The following HRNR variants were observed in gnomAD, a reference collection of about 807,000 sequenced individuals.
HRNR encodes the protein hornerin.
Under a neutral mutation model 4.8 loss-of-function variants are expected in HRNR, and 7 were observed. The observed-to-expected ratio is 1.47, with a 90% CI of 0.83 to 2.75. The LOEUF (loss-of-function observed/expected upper bound fraction) is 2.75, where lower values mean the gene tolerates loss of function less well. HRNR is among the 30% of genes most tolerant of loss of function. The probability of loss-of-function intolerance (pLI) is 0.00; values close to 1 mark genes in which losing one functional copy is unlikely to be tolerated. For synonymous variants in HRNR, 1,023 were observed against 1,242.7 expected (o/e 0.82, Z 3.72); for missense variants, 2,879 against 3,010.4 (o/e 0.96, Z 1.02).
rs546139413 is a variant in HRNR at position 152,212,329 on chromosome 1, A to G, written c.*747T>C. On this transcript the variant is annotated 3_prime_UTR_variant, in exon 3 of 3. Transcript: ENST00000368801. ...CCCAATATTGAGCAGCCTCTTAGAA[A>G]TAGGGAGCAAGATCTTTCTGCTGAA... 1 of 152,174 alleles carries G rather than the reference A, an allele frequency of 6.6e-6. No individual in the cohort carries two copies. Among genetic ancestry groups the G allele is most frequent in the Non-Finnish European group, 1.5e-5 (1 of 68,052 alleles). The allele number at this position is 152,174 out of a possible 1,614,324, so 9.4% of individuals were successfully genotyped here. A position where few individuals can be genotyped will look rare whatever the true frequency, so the allele number is the denominator to read the frequency against.
rs150707451 is a variant in HRNR, at chr1:152,220,674, A to T, written c.955T>A (p.Ser319Thr). ...HVRHGSGSGHSSSHGQHGSGS... is the reference protein window; with the variant it reads ...HVRHGSGSGHTSSHGQHGSGS... ...GACCCGTGTTGGCCGTGGCTGGAGGAGTGCCCCGAACCGGACCCATGTCGG... is the reference window on the plus strand; with the variant it reads ...GACCCGTGTTGGCCGTGGCTGGAGGTGTGCCCCGAACCGGACCCATGTCGG... Residue 319 changes from serine to threonine, a missense_variant, in exon 3 of 3, where the codon TCC (serine) becomes ACC (threonine). By Grantham distance (58) the Ser-to-Thr change is moderately conservative. Around this residue, in one of 8 missense-constraint regions of HRNR, gnomAD observed 2,646 missense variants for 1,377.7 expected, o/e 1.92. Transcript: ENST00000368801. 351 of 1,612,240 alleles carry T rather than the reference A, an allele frequency of 2.2e-4. No individual in the cohort carries two copies. Among genetic ancestry groups the T allele is most frequent in the Admixed American group, 5.0e-4 (30 of 59,940 alleles).
rs146700194 is a variant in HRNR, at chr1:152,219,591, A to G, written c.2038T>C (p.Ser680Pro). ...GHSSSYGQHGSGSGWSSSNGP... is the reference protein window; with the variant it reads ...GHSSSYGQHGPGSGWSSSNGP... ...TTGCTTGAAGACCAACCGGAGCCAG[A>G]CCCATGTTGGCCGTAGCTGGAAGAG... The change falls in exon 3 of 3, where the codon TCT (serine) becomes CCT (proline). Residue 680 changes from serine (S) to proline (P), a missense_variant. Ser to Pro is a moderately conservative substitution (Grantham distance 74). Transcript: ENST00000368801. The G allele has an allele frequency of 2.7e-4, 435 of 1,612,052 alleles. No individual in the cohort carries two copies. The highest frequency in any genetic ancestry group is 3.5e-4 in the Non-Finnish European group (409 of 1,179,088).
chr1:152,219,091 A>C lies in HRNR; in HGVS notation c.2538T>G (p.Ser846=). 1 of 1,613,702 alleles carries C rather than the reference A, an allele frequency of 6.2e-7. No homozygotes were observed. The highest frequency in any genetic ancestry group is 8.5e-7 in the Non-Finnish European group (1 of 1,179,972). Residue 846 remains serine, a synonymous_variant, in exon 3 of 3, where the codon TCT becomes TCG. Coordinates refer to ENST00000368801, the MANE Select transcript of HRNR (RefSeq NM_001009931.3). ...GHFSSQGRHG[S]TSGQSSSSGQ... is the part of the protein sequence containing the mutation. The stretch of plus-strand genomic sequence containing the variant: ...CGGAGCTTGATGACTGCCCTGACGT[A>C]GATCCATGTCGTCCCTGGCTAGAGA...
chr1:152,218,598 G>C lies in HRNR; in HGVS notation c.3031C>G (p.Arg1011Gly). The C allele has an allele frequency of 6.2e-7, 1 of 1,611,198 alleles. No homozygotes were observed. Among genetic ancestry groups the C allele is most frequent in the South Asian group, 1.1e-5 (1 of 90,924 alleles). The change falls in exon 3 of 3, where the codon CGT becomes GGT. Residue 1011 changes from arginine (R) to glycine (G), a missense_variant. By Grantham distance (125) the Arg-to-Gly change is moderately radical. Coordinates refer to ENST00000368801, the MANE Select transcript of HRNR (RefSeq NM_001009931.3). Reference protein sequence around the residue: ...SGSGQSPSPSRGRHGSGSGQS... With the variant: ...SGSGQSPSPSGGRHGSGSGQS... ...CCGGAACCAGACCCATGTCGGCCAC[G>C]GCTAGGGCTAGGAGACTGGCCAGAT...
Position 152,213,048 on chromosome 1 carries a change from T to A in HRNR, c.*28A>T, listed in dbSNP as rs1323947541. On this transcript the variant is annotated 3_prime_UTR_variant, in exon 3 of 3. Coordinates refer to ENST00000368801, the MANE Select transcript of HRNR (RefSeq NM_001009931.3). Reference sequence around the variant, plus strand: ...ACTTTCCTATTTCTTAAATTGCTACTTGAGTAAATTGCATTTATGTTTATT... The same window carrying A: ...ACTTTCCTATTTCTTAAATTGCTACATGAGTAAATTGCATTTATGTTTATT... The A allele has an allele frequency of 1.9e-6, 3 of 1,586,520 alleles. No homozygotes were observed. The highest frequency in any genetic ancestry group is 1.8e-5 in the Admixed American group (1 of 55,960).
In HRNR at chr1:152,220,621, G is replaced by A; in HGVS notation, c.1008C>T (p.Gly336=). 2 of 1,612,390 alleles carry A rather than the reference G, an allele frequency of 1.2e-6. No homozygotes were observed. The highest frequency in any genetic ancestry group is 1.7e-6 in the Non-Finnish European group (2 of 1,178,950). The change falls in exon 3 of 3, where the codon GGC becomes GGT. Residue 336 remains glycine, a synonymous_variant. Coordinates refer to ENST00000368801, the MANE Select transcript of HRNR (RefSeq NM_001009931.3). ...TCTGGCCTGAGCCAGACTCATAATGGCCACGGCTGTAAGAGTAACTTGAGC... is the reference window on the plus strand; with the variant it reads ...TCTGGCCTGAGCCAGACTCATAATGACCACGGCTGTAAGAGTAACTTGAGC... ...GSGSSYSYSR[G]HYESGSGQTS...
At position 152,220,037 on chromosome 1, in the gene HRNR, C is replaced by T. The variant is rs776284754; in HGVS notation, c.1592G>A (p.Ser531Asn). The T allele has an allele frequency of 1.3e-5, 21 of 1,613,944 alleles. No homozygotes were observed. In the East Asian group the frequency reaches 3.8e-4, roughly 29 times the overall value. The change falls in exon 3 of 3, where the codon AGC (serine) becomes AAC (asparagine). Residue 531 changes from serine (S) to asparagine (N), a missense_variant. This residue lies in a region of HRNR where 2,646 missense variants were observed against 1,377.7 expected (regional missense o/e 1.92). Transcript: ENST00000368801. ...GSGSRQSLGH[S>N]RHGSGSGQSP... ...CTGGCCAGATCCAGACCCATGTCGG[C>T]TGTGTCCCAAAGATTGACGGGAGCC...
rs6666097 is a variant in HRNR at position 152,220,349 on chromosome 1, C to A, written c.1280G>T (p.Gly427Val). ...CTGCCCTGACCCAGACCCACGCTGG[C>A]CGTGGCCTGGAGACTGGCCAGATCC... ...SSGSGQSPGH[G>V]QRGSGSGQSP... Residue 427 changes from glycine (G) to valine (V), a missense_variant, in exon 3 of 3, where the codon GGC (glycine) becomes GTC (valine). Around this residue, in one of 8 missense-constraint regions of HRNR, gnomAD observed 2,646 missense variants for 1,377.7 expected, o/e 1.92. Transcript: ENST00000368801. 1 of 1,613,762 alleles carries A rather than the reference C, an allele frequency of 6.2e-7. No homozygotes were observed. Among genetic ancestry groups the A allele is most frequent in the South Asian group, 1.1e-5 (1 of 91,062 alleles).
intron 1 of HRNR, among the ~76,000 whole-genome samples, chr1:152,223,695 A>G (rs1036979658): frequency 1.3e-5 from 2 of 152,196 alleles, no homozygotes; most frequent in African/African-American, 4.8e-5. Flanking sequence ...AAGGAGCATC[A>G]ATGGCTGAAC....
intron 2 of HRNR, among the ~76,000 whole-genome samples, chr1:152,221,841 TTAAC>T (rs1251890621): frequency 2.6e-5 from 4 of 152,220 alleles, no homozygotes; most frequent in African/African-American, 7.2e-5. Context: ...TCCAATTAAA[TTAAC>T]TAGCTACTTA....
chr1:152,223,087 A>C (rs112640735), intron 2 of HRNR, 29 bp downstream of exon 2: 2 of 1,609,836 alleles, frequency 1.2e-6, no homozygotes, highest in East Asian at 2.2e-5. Context: ...AAATTCCTGC[A>C]TAACTCCATC....
rs1238944524 is a variant in HRNR at position 152,218,644 on chromosome 1, G to T, written c.2985C>A (p.Gly995=). Residue 995 remains glycine (G), a synonymous_variant, in exon 3 of 3, where the codon GGC becomes GGA. Coordinates refer to ENST00000368801, the MANE Select transcript of HRNR (RefSeq NM_001009931.3). ...QHGSGSRQSL[G]HGQHGSGSGQ... is the part of the protein sequence containing the mutation. ...CAGATCCAGACCCATGTTGGCCGTGGCCCAAAGACTGACGGGAGCCAGACC... is the reference window on the plus strand; with the variant it reads ...CAGATCCAGACCCATGTTGGCCGTGTCCCAAAGACTGACGGGAGCCAGACC... The T allele has an allele frequency of 4.0e-5, 64 of 1,613,422 alleles. No individual in the cohort carries two copies. The highest frequency in any genetic ancestry group is 5.2e-5 in the Non-Finnish European group (61 of 1,179,936).
chr1:152,221,707 C>A (rs904468224), intron 2 of HRNR, among the ~76,000 whole-genome samples: 2 of 151,996 alleles, frequency 1.3e-5, no homozygotes, highest in African/African-American at 4.8e-5. Context: ...TAGGATGCAA[C>A]TGGAAGATGA....
In HRNR at chr1:152,220,041, G is replaced by C; in HGVS notation, c.1588C>G (p.His530Asp). 1.2e-6 allele frequency: 2 copies of C among 1,613,646 alleles called. No individual in the cohort carries two copies. The highest frequency in any genetic ancestry group is 4.5e-5 in the East Asian group (2 of 44,824). ...CCAGATCCAGACCCATGTCGGCTGT[G>C]TCCCAAAGATTGACGGGAGCCAGAC... ...HGSGSRQSLG[H>D]SRHGSGSGQS... Residue 530 changes from histidine (H) to aspartate (D), a missense_variant, in exon 3 of 3, where the codon CAC becomes GAC. Physicochemically the swap from His to Asp is moderately conservative, Grantham distance 81 (BLOSUM62 -1). Around this residue, in one of 8 missense-constraint regions of HRNR, gnomAD observed 2,646 missense variants for 1,377.7 expected, o/e 1.92. Transcript: ENST00000368801.
chr1:152,219,580 A>G lies in HRNR; in HGVS notation c.2049T>C (p.Gly683=), dbSNP rs1648859176. ...SSYGQHGSGS[G]WSSSNGPHGS... The stretch of plus-strand genomic sequence containing the variant: ...CATGTGGGCCATTGCTTGAAGACCA[A>G]CCGGAGCCAGACCCATGTTGGCCGT... Residue 683 remains glycine (G), a synonymous_variant, in exon 3 of 3, where the codon GGT becomes GGC. Coordinates refer to ENST00000368801, the MANE Select transcript of HRNR (RefSeq NM_001009931.3). The G allele has an allele frequency of 6.2e-7, 1 of 1,611,816 alleles. No homozygotes were observed. Among genetic ancestry groups the G allele is most frequent in the South Asian group, 1.1e-5 (1 of 90,858 alleles).
In HRNR at chr1:152,221,054, C is replaced by G. The variant is rs148184849; in HGVS notation, c.575G>C (p.Arg192Pro). The G allele has an allele frequency of 1.2e-6, 2 of 1,613,150 alleles. No homozygotes were observed. The highest frequency in any genetic ancestry group is 8.5e-7 in the Non-Finnish European group (1 of 1,179,468). The change falls in exon 3 of 3, where the codon CGC becomes CCC. Residue 192 changes from arginine to proline, a missense_variant. Arg to Pro is a moderately radical substitution (Grantham distance 103, BLOSUM62 -2). Transcript: ENST00000368801. ...QNSDSHQSSG[R>P]GQCGSGSGQS... ...CCCTGACCCAGACCCACATTGGCCG[C>G]GGCCTGAAGACTGATGGGAGTCGGA...
Position 152,220,015 on chromosome 1 carries a change from G to T in HRNR, c.1614C>A (p.Gly538=), listed in dbSNP as rs1179589392. Residue 538 remains glycine (G), a synonymous_variant, in exon 3 of 3, where the codon GGC becomes GGA. Coordinates refer to ENST00000368801, the MANE Select transcript of HRNR (RefSeq NM_001009931.3). The part of the protein sequence containing the change: ...LGHSRHGSGS[G]QSPSPSRGRH... Reference sequence around the variant, plus strand: ...GGCCACGGCTAGGGCTAGGAGACTGGCCAGATCCAGACCCATGTCGGCTGT... The same window carrying T: ...GGCCACGGCTAGGGCTAGGAGACTGTCCAGATCCAGACCCATGTCGGCTGT... The T allele has an allele frequency of 6.2e-7, 1 of 1,614,022 alleles. No homozygotes were observed. Among genetic ancestry groups the T allele is most frequent in the Non-Finnish European group, 8.5e-7 (1 of 1,180,002 alleles).
At position 152,220,939 on chromosome 1, in the gene HRNR, G is replaced by T. The variant is rs748425764; in HGVS notation, c.690C>A (p.Gly230=). 3.1e-6 allele frequency: 5 copies of T among 1,612,462 alleles called. No homozygotes were observed. The East Asian group carries it at 8.9e-5, about 29-fold the overall frequency. ...CTGAGCTAGACTTGTGTTGACTAAA[G>T]CCAGAAGACTGGCCTGAGCCAGACC... ...THGSGSGQSS[G]FSQHKSSSGQ... Residue 230 remains glycine, a synonymous_variant, in exon 3 of 3, where the codon GGC becomes GGA. Coordinates refer to ENST00000368801, the MANE Select transcript of HRNR (RefSeq NM_001009931.3).
chr1:152,212,618 C>T lies in HRNR; in HGVS notation c.*458G>A, dbSNP rs1648424495. On this transcript the variant is annotated 3_prime_UTR_variant, in exon 3 of 3. Coordinates refer to ENST00000368801, the MANE Select transcript of HRNR (RefSeq NM_001009931.3). ...ATACCAAAAATTGGGACACACCAAACTTGGGGCACACTAAAAATTAGGGTA... is the reference window on the plus strand; with the variant it reads ...ATACCAAAAATTGGGACACACCAAATTTGGGGCACACTAAAAATTAGGGTA... The T allele has an allele frequency of 5.7e-6, 1 of 174,844 alleles. No homozygotes were observed. The highest frequency in any genetic ancestry group is 5.5e-5 in the Admixed American group (1 of 18,230). The allele number at this position is 174,844 out of a possible 1,614,324, so 10.8% of individuals were successfully genotyped here.
Sources: allele counts gnomAD v4.1 joint callset (sites outside exome capture counted in the v4.1 genomes callset), GRCh38; gene constraint gnomAD v4.1.1; regional missense constraint gnomAD v4.1.1; transcripts MANE v1.5; gene names NCBI Gene and HGNC (gene_info 2026-07-23, HGNC 2026-07-21).